KCNJ3: variants seen among roughly 807,000 people sequenced by gnomAD.
The protein encoded by KCNJ3 is potassium inwardly rectifying channel subfamily J member 3.
In KCNJ3, 4 loss-of-function variants were observed where a neutral mutation model predicts 39.2. The ratio of observed to expected loss-of-function variants is 0.10; its 90% CI spans 0.05 to 0.23. The LOEUF (loss-of-function observed/expected upper bound fraction) is 0.23, where lower values mean the gene tolerates loss of function less well. Ranked by LOEUF, KCNJ3 falls within the 10% of genes least tolerant of loss-of-function variation. The pLI is 1.00. For synonymous variants in KCNJ3, 230 were observed against 237.4 expected (o/e 0.97, Z 0.29); for missense variants, 276 against 634.9 (o/e 0.43, Z 6.08).
Position 154,737,621 on chromosome 2 carries a change from T to C in KCNJ3, c.919+27802T>C, listed in dbSNP as rs543466015. Reference sequence around the variant, plus strand: ...TAGAGATACATAGAAATATTGAAAATACTCCAACCAAGCTTCTAGACATGA... The same window carrying C: ...TAGAGATACATAGAAATATTGAAAACACTCCAACCAAGCTTCTAGACATGA... On this transcript the variant is annotated intron_variant, in intron 2 of 2. Coordinates refer to ENST00000295101, the MANE Select transcript of KCNJ3 (RefSeq NM_002239.4). 2.0e-5 allele frequency among the ~76,000 whole-genome samples: 3 copies of C among 152,208 alleles called. No homozygotes were observed. The South Asian group carries it at 6.2e-4, about 31-fold the overall frequency.
chr2:154,730,156 G>T (rs935223552), intron 2 of KCNJ3, among the ~76,000 whole-genome samples: 14 of 151,942 alleles, frequency 9.2e-5, no homozygotes, highest in Admixed American at 6.6e-5. Flanking sequence ...CTTTCTCCTG[G>T]AGAGACTTTG....
chr2:154,756,178 A>G (rs1054229366), intron 2 of KCNJ3, among the ~76,000 whole-genome samples: 1 of 152,144 alleles, frequency 6.6e-6, no homozygotes, highest in African/African-American at 2.4e-5. Context: ...AATAAACTAC[A>G]GAACTTGATA....
At chr2:154,798,073 A>G (rs574479031) in intron 2 of KCNJ3, among the ~76,000 whole-genome samples, 1 of 151,962 alleles carries the variant, frequency 6.6e-6, no homozygotes, top group Non-Finnish European at 1.5e-5. Context: ...TTACATGTTT[A>G]CACACCCTAC....
chr2:154,751,795 G>A (rs1685849277), intron 2 of KCNJ3, among the ~76,000 whole-genome samples: 1 of 151,986 alleles, frequency 6.6e-6, no homozygotes, highest in Non-Finnish European at 1.5e-5. Context: ...TGAGGCCTCT[G>A]CTTGGCTTAT....
Position 154,792,258 on chromosome 2 carries a change from A to C in KCNJ3, c.920-62469A>C, listed in dbSNP as rs1056472016. Among the ~76,000 whole-genome samples the C allele has an allele frequency of 3.9e-5, 6 of 152,070 alleles. No homozygotes were observed. The East Asian group carries it at 1.2e-3, about 29-fold the overall frequency. On this transcript the variant is annotated intron_variant, in intron 2 of 2. Coordinates refer to ENST00000295101, the MANE Select transcript of KCNJ3 (RefSeq NM_002239.4). Reference sequence around the variant, plus strand: ...CTGAGTTATGCTTGGTCTCCCCATGAGTAGAACAGAGGCTTGCTTAATGTT... The same window carrying C: ...CTGAGTTATGCTTGGTCTCCCCATGCGTAGAACAGAGGCTTGCTTAATGTT...
chr2:154,779,740 C>T (rs1383035487), intron 2 of KCNJ3, among the ~76,000 whole-genome samples: 3 of 151,674 alleles, frequency 2.0e-5, no homozygotes, highest in African/African-American at 7.3e-5. Flanking sequence ...GACGGGGTTT[C>T]ACCATGTTGG....
chr2:154,723,119 CA>C (rs758946637), intron 2 of KCNJ3, among the ~76,000 whole-genome samples: 1 of 151,706 alleles, frequency 6.6e-6, no homozygotes, highest in Non-Finnish European at 1.5e-5. Context: ...CCTCTATCTG[CA>C]AAAATTACAA....
At chr2:154,798,729 T>C (rs1686761478) in intron 2 of KCNJ3, among the ~76,000 whole-genome samples, 1 of 152,210 alleles carries the variant, frequency 6.6e-6, no homozygotes, top group South Asian at 2.1e-4. Flanking sequence ...CTTAGCATAA[T>C]GTCCTCAAGG....
Position 154,853,683 on chromosome 2 carries a change from T to G in KCNJ3, c.920-1044T>G, listed in dbSNP as rs771314450. The stretch of plus-strand genomic sequence containing the variant: ...CTTTTGACTAATATGAGACAGAAAC[T>G]TGATATATGGTTTTAATTTATTCCT... On this transcript the variant is annotated intron_variant, in intron 2 of 2. Coordinates refer to ENST00000295101, the MANE Select transcript of KCNJ3 (RefSeq NM_002239.4). Among the ~76,000 whole-genome samples, 48 of 152,240 alleles carry G rather than the reference T, an allele frequency of 3.2e-4. No individual in the cohort carries two copies. The Middle Eastern group carries it at 0.01, about 32-fold the overall frequency.
chr2:154,762,949 T>A (rs538520833), intron 2 of KCNJ3, among the ~76,000 whole-genome samples: 47 of 152,264 alleles, frequency 3.1e-4, no homozygotes, highest in African/African-American at 1.1e-3. Context: ...TCATGGAAAG[T>A]GCAGAGAAAA....
rs1272634380 is a variant in KCNJ3 at position 154,796,622 on chromosome 2, T to G, written c.920-58105T>G. ...CTAACTAATGTTTGAGTCACTGAACTCAAATCATGTTTTAAAGGGTTTTTT... is the reference window on the plus strand; with the variant it reads ...CTAACTAATGTTTGAGTCACTGAACGCAAATCATGTTTTAAAGGGTTTTTT... On this transcript the variant is annotated intron_variant, in intron 2 of 2. Coordinates refer to ENST00000295101, the MANE Select transcript of KCNJ3 (RefSeq NM_002239.4). Among the ~76,000 whole-genome samples, 9 of 135,446 alleles carry G rather than the reference T, an allele frequency of 6.6e-5. No individual in the cohort carries two copies. The East Asian group carries it at 1.7e-3, about 26-fold the overall frequency. The allele number at this position is 135,446 out of a possible 152,430, so 88.9% of individuals were successfully genotyped here.
At chr2:154,704,511 A>C (rs1037683018) in intron 1 of KCNJ3, among the ~76,000 whole-genome samples, 1 of 152,190 alleles carries the variant, frequency 6.6e-6, no homozygotes, top group Non-Finnish European at 1.5e-5. Flanking sequence ...CATAAAATTG[A>C]ACATATTTTT....
chr2:154,788,234 G>A (rs1254895499), intron 2 of KCNJ3, among the ~76,000 whole-genome samples: 1 of 152,032 alleles, frequency 6.6e-6, no homozygotes, highest in Non-Finnish European at 1.5e-5. Flanking sequence ...CATAAGTATA[G>A]TCTAGCCAAA....
At chr2:154,851,136 G>C (rs567956124) in intron 2 of KCNJ3, among the ~76,000 whole-genome samples, 1 of 151,976 alleles carries the variant, frequency 6.6e-6, no homozygotes, top group South Asian at 2.1e-4. Flanking sequence ...CAGCTACTTG[G>C]GAGTAACAGG....
At chr2:154,818,827 T>A (rs549305948) in intron 2 of KCNJ3, among the ~76,000 whole-genome samples, 90 of 151,946 alleles carry the variant, frequency 5.9e-4, no homozygotes, top group African/African-American at 2.0e-3. Context: ...GCACAACTGA[T>A]GCTTTTGACA....
intron 2 of KCNJ3, among the ~76,000 whole-genome samples, chr2:154,781,395 A>C (rs147793517): frequency 6.6e-6 from 1 of 152,292 alleles, no homozygotes; most frequent in East Asian, 1.9e-4. Context: ...ATTTACATGA[A>C]GTTTGCAACT....
At chr2:154,729,972 G>T (rs988399316) in intron 2 of KCNJ3, among the ~76,000 whole-genome samples, 1 of 151,988 alleles carries the variant, frequency 6.6e-6, no homozygotes, top group African/African-American at 2.4e-5. Flanking sequence ...TCATATAAAA[G>T]CCCAGACTCC....
At chr2:154,848,689 T>TC (rs1292508878) in intron 2 of KCNJ3, among the ~76,000 whole-genome samples, 1 of 152,122 alleles carries the variant, frequency 6.6e-6, no homozygotes, top group African/African-American at 2.4e-5. Flanking sequence ...TAAGTACTAT[T>TC]CTTAATATAA....
At chr2:154,717,774 G>A (rs1014657066) in intron 2 of KCNJ3, among the ~76,000 whole-genome samples, 12 of 152,130 alleles carry the variant, frequency 7.9e-5, no homozygotes, top group Admixed American at 7.9e-4. Flanking sequence ...AAATTGAGGT[G>A]TACCTGTAAT....
Sources: allele counts gnomAD v4.1 joint callset (sites outside exome capture counted in the v4.1 genomes callset), GRCh38; gene constraint gnomAD v4.1.1; transcripts MANE v1.5; gene names NCBI Gene and HGNC (gene_info 2026-07-23, HGNC 2026-07-21).